The following LHFPL3 variants were observed in gnomAD, a reference collection of about 807,000 sequenced individuals.
The protein encoded by LHFPL3 is LHFPL tetraspan subfamily member 3 protein.
Under a neutral mutation model 19.3 loss-of-function variants are expected in LHFPL3, and 5 were observed. That is an observed-to-expected ratio of 0.26 (90% CI 0.14 to 0.54). The LOEUF is 0.54. Ranked by LOEUF, LHFPL3 falls within the 20% of genes least tolerant of loss-of-function variation. The probability of loss-of-function intolerance (pLI) is 0.94; values close to 1 mark genes in which losing one functional copy is unlikely to be tolerated. For missense variants in LHFPL3, 249 were observed against 307.4 expected, an observed-to-expected ratio of 0.81 and a Z score of 1.42; for synonymous variants, 133 against 126.2, an observed-to-expected ratio of 1.05 and a Z score of -0.36.
intron 2 of LHFPL3, among the ~76,000 whole-genome samples, chr7:104,790,815 T>A (rs547979448): frequency 3.5e-4 from 54 of 152,312 alleles, no homozygotes; most frequent in Non-Finnish European, 6.6e-4. Context: ...TTTCCTTGCA[T>A]ACAAATGAAT....
chr7:104,561,119 G>C (rs886741736), intron 1 of LHFPL3, among the ~76,000 whole-genome samples: 2 of 152,088 alleles, frequency 1.3e-5, no homozygotes, highest in African/African-American at 2.4e-5. Flanking sequence ...GTCAATTTTG[G>C]AATAGGTGTG....
At chr7:104,573,934 A>T (rs1260705097) in intron 1 of LHFPL3, among the ~76,000 whole-genome samples, 1 of 152,230 alleles carries the variant, frequency 6.6e-6, no homozygotes, top group Non-Finnish European at 1.5e-5. Flanking sequence ...TGAGGATGAC[A>T]TTCGTACACA....
intron 1 of LHFPL3, among the ~76,000 whole-genome samples, chr7:104,554,815 G>T (rs1794732506): frequency 6.6e-6 from 1 of 152,184 alleles, no homozygotes; most frequent in African/African-American, 2.4e-5. Flanking sequence ...CAAGTCCAAA[G>T]CCTCAGAACC....
chr7:104,720,418 G>A (rs1054733320), intron 1 of LHFPL3, among the ~76,000 whole-genome samples: 1 of 152,108 alleles, frequency 6.6e-6, no homozygotes, highest in Non-Finnish European at 1.5e-5. Flanking sequence ...TTACATGTTA[G>A]ACCTAAAACC....
intron 1 of LHFPL3, among the ~76,000 whole-genome samples, chr7:104,600,185 T>C (rs924055790): frequency 3.3e-5 from 5 of 152,248 alleles, no homozygotes; most frequent in Non-Finnish European, 7.3e-5. Context: ...GGAAGATATG[T>C]GAACTCATAG....
At chr7:104,558,401 G>C (rs1789906069) in intron 1 of LHFPL3, among the ~76,000 whole-genome samples, 1 of 150,578 alleles carries the variant, frequency 6.6e-6, no homozygotes, top group Non-Finnish European at 1.5e-5. Flanking sequence ...TCTCATTGTG[G>C]TTTTGATTTG....
chr7:104,360,694 C>CGTGTGT (rs61216282), intron 1 of LHFPL3, among the ~76,000 whole-genome samples: 1,544 of 144,434 alleles, frequency 0.011, 15 homozygotes, highest in Non-Finnish European at 0.016. Flanking sequence ...AAAGTGCTTC[C>CGTGTGT]GTGTGTGTGT....
chr7:104,853,405 G>A (rs1791447144), intron 2 of LHFPL3, among the ~76,000 whole-genome samples: 1 of 152,160 alleles, frequency 6.6e-6, no homozygotes, highest in Non-Finnish European at 1.5e-5. Context: ...TCTGTGCCTG[G>A]GGGATCTTTC....
intron 1 of LHFPL3, among the ~76,000 whole-genome samples, chr7:104,679,277 T>C (rs1378132863): frequency 6.6e-6 from 1 of 152,246 alleles, no homozygotes; most frequent in Non-Finnish European, 1.5e-5. Context: ...ACATGGCTGC[T>C]TGGCTGCCTA....
At chr7:104,410,906 C>T (rs912288354) in intron 1 of LHFPL3, among the ~76,000 whole-genome samples, 2 of 152,016 alleles carry the variant, frequency 1.3e-5, no homozygotes, top group Non-Finnish European at 2.9e-5. Context: ...ACTGTGATTC[C>T]GAGTGATTTT....
intron 2 of LHFPL3, among the ~76,000 whole-genome samples, chr7:104,864,578 C>T (rs935551223): frequency 3.9e-5 from 6 of 152,004 alleles, no homozygotes; most frequent in Non-Finnish European, 7.4e-5. Flanking sequence ...GAGGGGCGCC[C>T]GCCATTGCAG....
chr7:104,518,747 G>C (rs932684784), intron 1 of LHFPL3, among the ~76,000 whole-genome samples: 1 of 151,934 alleles, frequency 6.6e-6, no homozygotes, highest in Non-Finnish European at 1.5e-5. Context: ...TTACACCACT[G>C]CACTCCAACC....
intron 2 of LHFPL3, among the ~76,000 whole-genome samples, chr7:104,897,015 G>C (rs1021135328): frequency 6.6e-6 from 1 of 151,886 alleles, no homozygotes; most frequent in Non-Finnish European, 1.5e-5. Context: ...GAACACGGGA[G>C]GCAGAGATTG....
chr7:104,765,110 T>C lies in LHFPL3; in HGVS notation c.682+28199T>C, dbSNP rs182600662. ...AAGAAGCAAACAAAAGATGACACTT[T>C]GTTGTTTGATGAAGTAATTGGGAAA... On this transcript the variant is annotated intron_variant, in intron 2 of 2. Coordinates refer to ENST00000424859, the MANE Select transcript of LHFPL3 (RefSeq NM_199000.3). 3.0e-3 allele frequency among the ~76,000 whole-genome samples: 461 copies of C among 152,322 alleles called. 1 individual carries two copies. The highest frequency in any genetic ancestry group is 4.6e-3 in the Admixed American group (71 of 15,300).
intron 1 of LHFPL3, among the ~76,000 whole-genome samples, chr7:104,595,261 C>A (rs969722184): frequency 2.0e-5 from 3 of 152,176 alleles, no homozygotes; most frequent in African/African-American, 7.2e-5. Context: ...GATGCTATTT[C>A]TTTCTGTTTG....
Position 104,424,624 on chromosome 7 carries a change from G to C in LHFPL3, c.445+95400G>C, listed in dbSNP as rs746309529. 4.9e-4 allele frequency among the ~76,000 whole-genome samples: 75 copies of C among 152,196 alleles called. 2 individuals are homozygous for C. The highest frequency in any genetic ancestry group is 2.1e-4 in the South Asian group (1 of 4,832). ...GTTGTCACAACTGGTTGGGGGAAAG[G>C]CTACTCCAGTGGGTAGAAGTCGGGG... On this transcript the variant is annotated intron_variant, in intron 1 of 2. Coordinates refer to ENST00000424859, the MANE Select transcript of LHFPL3 (RefSeq NM_199000.3).
intron 1 of LHFPL3, among the ~76,000 whole-genome samples, chr7:104,518,056 A>G (rs903924923): frequency 3.3e-5 from 5 of 152,178 alleles, no homozygotes; most frequent in Admixed American, 6.5e-5. Flanking sequence ...GCTGATCCCA[A>G]TGTCATCCTA....
At chr7:104,606,949 C>CAAAAT (rs1562948480) in intron 1 of LHFPL3, among the ~76,000 whole-genome samples, 6 of 151,482 alleles carry the variant, frequency 4.0e-5, no homozygotes. Flanking sequence ...AAAAACACTT[C>CAAAAT]AAAACAAAAC....
At chr7:104,879,939 T>C (rs368831219) in intron 2 of LHFPL3, among the ~76,000 whole-genome samples, 1 of 152,008 alleles carries the variant, frequency 6.6e-6, no homozygotes, top group African/African-American at 2.4e-5. Context: ...TGCCAGTAAC[T>C]CAAGCTACTC....
Sources: allele counts gnomAD v4.1 joint callset (sites outside exome capture counted in the v4.1 genomes callset), GRCh38; gene constraint gnomAD v4.1.1; transcripts MANE v1.5; gene names NCBI Gene and HGNC (gene_info 2026-07-23, HGNC 2026-07-21).